PPP1R7: variants seen among roughly 807,000 people sequenced by gnomAD.
PPP1R7 encodes protein phosphatase 1 regulatory subunit 22.
PPP1R7 carries 18 observed loss-of-function variants against 45.2 expected under a neutral mutation model. That is an observed-to-expected ratio of 0.40 (90% CI 0.28 to 0.59). The LOEUF is 0.59. Among genes scored for constraint, PPP1R7 ranks in the 20% least tolerant of loss-of-function variants. PPP1R7 has a pLI of 0.46. For synonymous variants in PPP1R7, 181 were observed against 183.4 expected, an observed-to-expected ratio of 0.99 and a Z score of 0.11; for missense variants, 314 against 455.8, an observed-to-expected ratio of 0.69 and a Z score of 2.83.
At chr2:241,176,885 G>A (rs955617071) in intron 9 of PPP1R7, among the ~76,000 whole-genome samples, 1 of 152,208 alleles carries the variant, frequency 6.6e-6, no homozygotes, top group Non-Finnish European at 1.5e-5. Context: ...TCGTGACTAC[G>A]GAGATAGCTG....
chr2:241,157,699 A>G, intron 2 of PPP1R7, 108 bp from the exon 3 acceptor site: 1 of 1,078,260 alleles, frequency 9.3e-7, no homozygotes, highest in Non-Finnish European at 1.4e-6. Flanking sequence ...TCGGGGTTTG[A>G]GCTGGCTCTG....
rs1165307995 is a variant in PPP1R7, at chr2:241,163,296, T to C, written c.609T>C (p.Asn203=). ...TGTCCTTTCCACAGGCAATCGAAAA[T>C]ATCGACACCTTAACCAACCTGGAGA... ...LGSNRIRAIE[N]IDTLTNLESL... is the part of the protein sequence containing the mutation. Residue 203 remains asparagine (N), a synonymous_variant, in exon 7 of 10, where the codon AAT becomes AAC. Transcript: ENST00000234038. The C allele has an allele frequency of 1.9e-6, 3 of 1,611,812 alleles. No individual in the cohort carries two copies. Among genetic ancestry groups the C allele is most frequent in the Non-Finnish European group, 2.5e-6 (3 of 1,178,054 alleles).
At position 241,173,876 on chromosome 2, in the gene PPP1R7, A is replaced by C. The variant is rs2149068186; in HGVS notation, c.906+4009A>C. On this transcript the variant is annotated intron_variant, in intron 9 of 9. Coordinates refer to ENST00000234038, the MANE Select transcript of PPP1R7 (RefSeq NM_002712.3). ...CCATGTCATGAATTTTTTATTTCAG[A>C]TACTGTATTTTTCTCAACTCTAAAA... 2.0e-5 allele frequency among the ~76,000 whole-genome samples: 3 copies of C among 149,126 alleles called. 1 individual carries two copies. The South Asian group carries it at 6.3e-4, about 31-fold the overall frequency.
intron 9 of PPP1R7, among the ~76,000 whole-genome samples, chr2:241,174,731 G>A (rs1015219421): frequency 6.6e-6 from 1 of 150,502 alleles, no homozygotes; most frequent in Non-Finnish European, 1.5e-5. Context: ...CTGGAGTGCA[G>A]TGGCGCGATC....
chr2:241,163,783 G>T (rs2067647309), intron 7 of PPP1R7, among the ~76,000 whole-genome samples: 1 of 151,980 alleles, frequency 6.6e-6, no homozygotes, highest in East Asian at 1.9e-4. Context: ...TTTTGTCAAG[G>T]GGGTGAGGAA....
intron 4 of PPP1R7, 175 bp downstream of exon 4, chr2:241,158,724 G>T: frequency 1.6e-6 from 1 of 627,850 alleles, no homozygotes; most frequent in Non-Finnish European, 2.8e-6. Flanking sequence ...TGAGACAGCA[G>T]TCGAGGGACT....
intron 8 of PPP1R7, among the ~76,000 whole-genome samples, chr2:241,168,266 C>T (rs1347165085): frequency 2.0e-5 from 3 of 152,160 alleles, no homozygotes; most frequent in Admixed American, 6.5e-5. Context: ...GGTGATGGAC[C>T]GGTTCTGACA....
chr2:241,172,154 CTTT>C (rs34924573), intron 9 of PPP1R7, among the ~76,000 whole-genome samples: 1 of 143,836 alleles, frequency 7.0e-6, no homozygotes, highest in Non-Finnish European at 1.5e-5. Flanking sequence ...TTTGGAGTGA[CTTT>C]TTTTTTTTTG....
chr2:241,149,934 G>T, upstream of PPP1R7: 1 of 1,429,142 alleles, frequency 7.0e-7, no homozygotes, highest in Non-Finnish European at 9.1e-7. Flanking sequence ...TGCTCCGAGC[G>T]TCAAGAGAAG....
chr2:241,166,936 T>C, intron 8 of PPP1R7: 4 of 937,292 alleles, frequency 4.3e-6, no homozygotes, highest in Non-Finnish European at 6.7e-6. Flanking sequence ...CCCCTTCCTC[T>C]TCTTACAGTA....
intron 6 of PPP1R7, among the ~76,000 whole-genome samples, chr2:241,160,762 C>T (rs1332921828): frequency 6.6e-6 from 1 of 152,238 alleles, no homozygotes; most frequent in Non-Finnish European, 1.5e-5. Flanking sequence ...CACACTGTTC[C>T]CAGTTACATT....
intron 9 of PPP1R7, among the ~76,000 whole-genome samples, chr2:241,172,026 C>A (rs1354393421): frequency 6.6e-6 from 1 of 152,196 alleles, no homozygotes; most frequent in African/African-American, 2.4e-5. Flanking sequence ...AGACTGCTTA[C>A]ATTTAATATA....
chr2:241,173,298 G>A (rs1047769208), intron 9 of PPP1R7, among the ~76,000 whole-genome samples: 4 of 138,790 alleles, frequency 2.9e-5, no homozygotes, highest in East Asian at 4.1e-4. Context: ...AAAAAAGGAC[G>A]GGATCTTGCC....
intron 2 of PPP1R7, among the ~76,000 whole-genome samples, chr2:241,157,114 G>GCCGGCT (rs1241602379): frequency 2.0e-5 from 3 of 152,222 alleles, no homozygotes; most frequent in Admixed American, 6.5e-5. Context: ...CACAGAGGAT[G>GCCGGCT]CCGGCTCCGG....
At chr2:241,166,281 G>A (rs559387293) in intron 7 of PPP1R7, 56 bp from the exon 8 acceptor site, 132 of 1,412,298 alleles carry the variant, frequency 9.3e-5, no homozygotes, top group Middle Eastern at 7.2e-4. Flanking sequence ...CCTAAAAACC[G>A]TTTCATTTCA....
chr2:241,150,245 G>C (rs1281485463), upstream of PPP1R7: 7 of 1,289,068 alleles, frequency 5.4e-6, no homozygotes, highest in Admixed American at 7.9e-5. Flanking sequence ...GACTCCCTCT[G>C]CTTTCCTTCC....
chr2:241,176,389 C>G (rs909903108), intron 9 of PPP1R7, among the ~76,000 whole-genome samples: 1 of 152,160 alleles, frequency 6.6e-6, no homozygotes, highest in African/African-American at 2.4e-5. Context: ...CTAGGGTGTT[C>G]ACAGAGCAAG....
At chr2:241,178,174 C>T (rs1368905131) in intron 9 of PPP1R7, among the ~76,000 whole-genome samples, 1 of 152,248 alleles carries the variant, frequency 6.6e-6, no homozygotes, top group Non-Finnish European at 1.5e-5. Context: ...GCCTCCCTCC[C>T]AGCATGTGTG....
At position 241,159,042 on chromosome 2, in the gene PPP1R7, G is replaced by A. The variant is rs1002830491; in HGVS notation, c.304-171G>A. The A allele has an allele frequency of 5.2e-6, 4 of 763,382 alleles. No individual in the cohort carries two copies. The Admixed American group carries it at 9.7e-5, about 19-fold the overall frequency. The allele number at this position is 763,382 out of a possible 1,614,324, so 47.3% of individuals were successfully genotyped here. A position where few individuals can be genotyped will look rare whatever the true frequency, so the allele number is the denominator to read the frequency against. On this transcript the variant is annotated intron_variant, in intron 4 of 9. Transcript: ENST00000234038. ...AGGTGTGTTAAGGAATTATAGCTTA[G>A]TGCCCTTGCCCACCTGCCTCTCAAA...
Sources: gnomAD v4.1 joint callset for allele counts (sites outside exome capture counted in the v4.1 genomes callset) on GRCh38, gnomAD v4.1.1 for gene constraint, MANE v1.5 for transcripts, NCBI Gene and HGNC (gene_info 2026-07-23, HGNC 2026-07-21) for gene names.